NOTCH4: variants seen among roughly 807,000 people sequenced by gnomAD.
The protein encoded by NOTCH4 is neurogenic locus notch homolog protein 4.
In NOTCH4, 138 loss-of-function variants were observed where a neutral mutation model predicts 189.0. That is an observed-to-expected ratio of 0.73 (90% CI 0.64 to 0.84). The LOEUF is 0.84. NOTCH4 is among the 40% of genes least tolerant of loss of function. The probability of loss-of-function intolerance (pLI) is 0.00; values close to 1 mark genes in which losing one functional copy is unlikely to be tolerated. For synonymous variants in NOTCH4, 942 were observed against 1,032.8 expected, an observed-to-expected ratio of 0.91 and a Z score of 1.69; for missense variants, 2,286 against 2,605.4, an observed-to-expected ratio of 0.88 and a Z score of 2.67.
chr6:32,199,071 C>G lies in NOTCH4; in HGVS notation c.4390G>C (p.Ala1464Pro), dbSNP rs747662995. The G allele has an allele frequency of 2.4e-5, 38 of 1,612,632 alleles. No homozygotes were observed. The highest frequency in any genetic ancestry group is 1.2e-4 in the South Asian group (11 of 91,080). Residue 1464 changes from alanine (A) to proline (P), a missense_variant, in exon 24 of 30, where the codon GCT becomes CCT. By Grantham distance (27) the Ala-to-Pro change is conservative (BLOSUM62 -1). Transcript: ENST00000375023. The surrounding 1 kb of genome is among the most constrained non-coding windows in gnomAD (Gnocchi z 4.9). ...CGGATGAGCTGGAGGACGAGAAGAG[C>G]CCCTAGGGCCAGGAGAATCACCCCG... Reference protein sequence around the residue: ...VAGVILLALGALLVLQLIRRR... With the variant: ...VAGVILLALGPLLVLQLIRRR...
chr6:32,205,960 C>T (rs977821696), intron 18 of NOTCH4, among the ~76,000 whole-genome samples: 2 of 151,910 alleles, frequency 1.3e-5, no homozygotes, highest in African/African-American at 4.8e-5. Flanking sequence ...TTGCTTGAGC[C>T]CGGGAGGTAG....
At position 32,222,646 on chromosome 6, in the gene NOTCH4, G is replaced by T. The variant is rs140979766; in HGVS notation, c.316C>A (p.Leu106Ile). 2.4e-5 allele frequency: 39 copies of T among 1,607,366 alleles called. No individual in the cohort carries two copies. In the East Asian group the frequency reaches 6.7e-4, roughly 28 times the overall value. The change falls in exon 3 of 30, where the codon CTC becomes ATC. Residue 106 changes from leucine (L) to isoleucine (I), a missense_variant. Around this residue, in one of 2 missense-constraint regions of NOTCH4, gnomAD observed 1,903 missense variants for 2,261.9 expected, o/e 0.84. Coordinates refer to ENST00000375023, the MANE Select transcript of NOTCH4 (RefSeq NM_004557.4). ...CATCTCTCACCAGTGAAGCCAGGGA[G>T]GCAAGTGCACAAGAAGCTGGGTGTC... is the stretch of plus-strand genomic sequence containing the variant. ...PLTPSFLCTC[L>I]PGFTGERCQA...
Position 32,219,699 on chromosome 6 carries a change from G to C in NOTCH4, c.1403C>G (p.Thr468Arg), listed in dbSNP as rs746563201. ...GTGATCAGCCTCACAACGGGAGCCT[G>C]TGTAGCCAGGTGGACAGAGGCAGTT... ...SFNCLCPPGY[T>R]GSRCEADHNE... The change falls in exon 8 of 30, where the codon ACA (threonine) becomes AGA (arginine). Residue 468 changes from threonine (T) to arginine (R), a missense_variant. This residue lies in a region of NOTCH4 where 1,903 missense variants were observed against 2,261.9 expected (regional missense o/e 0.84). Coordinates refer to ENST00000375023, the MANE Select transcript of NOTCH4 (RefSeq NM_004557.4). The C allele has an allele frequency of 1.9e-6, 3 of 1,613,152 alleles. No homozygotes were observed. The South Asian group carries it at 3.3e-5, about 18-fold the overall frequency.
In NOTCH4 at chr6:32,203,955, G is replaced by A. The variant is rs1242744015; in HGVS notation, c.3119-73C>T. ...CCTCCATCCTAGCTCATTCCTGGATGTTGGCCCAGTGCTAGATGTGCAGGT... is the reference window on the plus strand; with the variant it reads ...CCTCCATCCTAGCTCATTCCTGGATATTGGCCCAGTGCTAGATGTGCAGGT... On this transcript the variant is annotated intron_variant, in intron 19 of 29. Transcript: ENST00000375023. The A allele has an allele frequency of 1.2e-5, 18 of 1,457,668 alleles. No homozygotes were observed. The East Asian group carries it at 3.7e-4, about 30-fold the overall frequency. The allele number at this position is 1,457,668 out of a possible 1,614,324, so 90.3% of individuals were successfully genotyped here. A position where few individuals can be genotyped will look rare whatever the true frequency, so the allele number is the denominator to read the frequency against.
intron 14 of NOTCH4, 145 bp downstream of exon 14, chr6:32,213,543 G>GTA (rs1789167549): frequency 7.6e-6 from 8 of 1,045,958 alleles, no homozygotes; most frequent in Admixed American, 2.3e-5. Flanking sequence ...GCCACTGTGT[G>GTA]CCCAGCTAAT....
chr6:32,223,424 C>A (rs184783010), intron 1 of NOTCH4, among the ~76,000 whole-genome samples: 3 of 152,082 alleles, frequency 2.0e-5, no homozygotes, highest in Admixed American at 1.3e-4. Context: ...GATTTCCTCC[C>A]GGAAAGGCCG....
At chr6:32,196,673 C>T (rs1048242700) in intron 28 of NOTCH4, among the ~76,000 whole-genome samples, 1 of 152,030 alleles carries the variant, frequency 6.6e-6, no homozygotes, top group Non-Finnish European at 1.5e-5. Context: ...CACGAGATTC[C>T]CCCCCCTTTC....
At position 32,212,828 on chromosome 6, in the gene NOTCH4, C is replaced by T. The variant is rs1789111539; in HGVS notation, c.2522G>A (p.Cys841Tyr). The T allele has an allele frequency of 1.3e-6, 2 of 1,533,008 alleles. No individual in the cohort carries two copies. Among genetic ancestry groups the T allele is most frequent in the Admixed American group, 2.1e-5 (1 of 47,630 alleles). 95.0% of individuals were successfully genotyped at this position (1,533,008 alleles called of 1,614,324 possible). ...LCPTGYTGGS[C>Y]QTLMDLCAQK... is the part of the protein sequence containing the mutation. ...CCTGACTTCAATGGCCCTCACCTGGCAGCTGCCTCCGGTGTAGCCAGTGGG... is the reference window on the plus strand; with the variant it reads ...CCTGACTTCAATGGCCCTCACCTGGTAGCTGCCTCCGGTGTAGCCAGTGGG... The change falls in exon 16 of 30, where the codon TGC (cysteine) becomes TAC (tyrosine). Residue 841 changes from cysteine to tyrosine, a missense_variant. Physicochemically the swap from Cys to Tyr is radical, Grantham distance 194 (BLOSUM62 -2). This residue lies in a region of NOTCH4 where 1,903 missense variants were observed against 2,261.9 expected (regional missense o/e 0.84). Transcript: ENST00000375023. This position sits in a 1 kb window ranked among gnomAD's most constrained non-coding sequence, Gnocchi z 4.4.
intron 7 of NOTCH4, 96 bp downstream of exon 7, chr6:32,220,033 T>C (rs1243453584): frequency 5.0e-6 from 7 of 1,407,636 alleles, no homozygotes; most frequent in Non-Finnish European, 6.9e-6. Flanking sequence ...AAAAGATGTT[T>C]GGTTTTTTAA....
At chr6:32,213,663 G>T in intron 14 of NOTCH4, 25 bp downstream of exon 14, 1 of 1,610,154 alleles carries the variant, frequency 6.2e-7, no homozygotes, top group Non-Finnish European at 8.5e-7. Flanking sequence ...GTGGACCCCA[G>T]CCCCATGACA....
rs768003158 is a variant in NOTCH4 at position 32,213,258 on chromosome 6, G to A, written c.2321-6C>T. 6.2e-7 allele frequency: 1 copy of A among 1,604,174 alleles called. No homozygotes were observed. The highest frequency in any genetic ancestry group is 8.5e-7 in the Non-Finnish European group (1 of 1,171,316). ...ACCCCCATTGAAGCACGGGGCTGGA[G>A]AGAGGAGGCTGTGAGGGTTTGGGTT... On this transcript the variant is annotated splice_region_variant and splice_polypyrimidine_tract_variant and intron_variant, in intron 14 of 29. Coordinates refer to ENST00000375023, the MANE Select transcript of NOTCH4 (RefSeq NM_004557.4).
At chr6:32,204,067 C>G in intron 19 of NOTCH4, 70 bp downstream of exon 19, 1 of 1,580,440 alleles carries the variant, frequency 6.3e-7, no homozygotes, top group South Asian at 1.1e-5. Context: ...TGGGTGGAGA[C>G]TATCTGGCTC....
chr6:32,199,679 G>C lies in NOTCH4; in HGVS notation c.4316-534C>G, dbSNP rs1478922982. ...AGATCGCGCCACTGCACTCCGGCCT[G>C]GGCGACAAGGCAAGACTCTGTCTCA... is the stretch of plus-strand genomic sequence containing the variant. On this transcript the variant is annotated intron_variant, in intron 23 of 29. Transcript: ENST00000375023. The surrounding 1 kb of genome is among the most constrained non-coding windows in gnomAD (Gnocchi z 4.9). 6.7e-6 allele frequency among the ~76,000 whole-genome samples: 1 copy of C among 150,298 alleles called. No individual in the cohort carries two copies. The highest frequency in any genetic ancestry group is 2.5e-5 in the African/African-American group (1 of 40,582).
chr6:32,215,400 T>C lies in NOTCH4; in HGVS notation c.1862-15A>G. 1.3e-6 allele frequency: 2 copies of C among 1,590,610 alleles called. No homozygotes were observed. The highest frequency in any genetic ancestry group is 1.7e-4 in the Middle Eastern group (1 of 5,946). ...ACAGAGCTGGCCTGGGGTGGGAAGA[T>C]GGGTCAAAAAGAAAACAGCTCCTCC... On this transcript the variant is annotated splice_polypyrimidine_tract_variant and intron_variant, in intron 11 of 29. Transcript: ENST00000375023.
rs773324131 is a variant in NOTCH4 at position 32,198,762 on chromosome 6, G to A, written c.4536-32C>T. On this transcript the variant is annotated intron_variant, in intron 24 of 29. Coordinates refer to ENST00000375023, the MANE Select transcript of NOTCH4 (RefSeq NM_004557.4). This position sits in a 1 kb window ranked among gnomAD's most constrained non-coding sequence, Gnocchi z 5.5. ...AGGAATGGGTGGGTAGAGGTTACACGGAATTATGACCATCAGGGTCTCCAA... is the reference window on the plus strand; with the variant it reads ...AGGAATGGGTGGGTAGAGGTTACACAGAATTATGACCATCAGGGTCTCCAA... 100 of 1,583,120 alleles carry A rather than the reference G, an allele frequency of 6.3e-5. No individual in the cohort carries two copies. The highest frequency in any genetic ancestry group is 8.1e-5 in the Non-Finnish European group (94 of 1,166,318).
Position 32,200,891 on chromosome 6 carries a change from C to T in NOTCH4, c.4255G>A (p.Gly1419Arg). The change falls in exon 23 of 30, where the codon GGA (glycine) becomes AGA (arginine). Residue 1419 changes from glycine (G) to arginine (R), a missense_variant. This residue lies in a region of NOTCH4 where 1,903 missense variants were observed against 2,261.9 expected (regional missense o/e 0.84). Transcript: ENST00000375023. The surrounding 1 kb of genome is among the most constrained non-coding windows in gnomAD (Gnocchi z 5.0). ...CCAGGCAGCAGGGGCTCCAGGGCTC[C>T]CACTGCAGCCATCGCAGCAAGGAAG... ...LRFLAAMAAVGALEPLLPGPL... is the reference protein window; with the variant it reads ...LRFLAAMAAVRALEPLLPGPL... 6.2e-7 allele frequency: 1 copy of T among 1,609,138 alleles called. No homozygotes were observed. The highest frequency in any genetic ancestry group is 8.5e-7 in the Non-Finnish European group (1 of 1,178,280).
chr6:32,214,011 C>T, intron 13 of NOTCH4, 99 bp downstream of exon 13: 1 of 1,468,418 alleles, frequency 6.8e-7, no homozygotes. Context: ...TCCAGTTCTC[C>T]TTAGTGGTGA....
rs1789487186 is a variant in NOTCH4, at chr6:32,217,446, C to T, written c.1625-180G>A. 6.6e-6 allele frequency among the ~76,000 whole-genome samples: 1 copy of T among 152,154 alleles called. No individual in the cohort carries two copies. Among genetic ancestry groups the T allele is most frequent in the Non-Finnish European group, 1.5e-5 (1 of 68,032 alleles). On this transcript the variant is annotated intron_variant, in intron 9 of 29. Transcript: ENST00000375023. The surrounding 1 kb of genome is among the most constrained non-coding windows in gnomAD (Gnocchi z 4.2). ...AAGGTGAAGCTCAGCCACCTGCCAGCTGTGTGACTTTGGGCAAGCTGGTCA... is the reference window on the plus strand; with the variant it reads ...AAGGTGAAGCTCAGCCACCTGCCAGTTGTGTGACTTTGGGCAAGCTGGTCA...
Position 32,196,391 on chromosome 6 carries a change from A to G in NOTCH4, c.5231T>C (p.Val1744Ala). 1 of 1,613,082 alleles carries G rather than the reference A, an allele frequency of 6.2e-7. No homozygotes were observed. The highest frequency in any genetic ancestry group is 8.5e-7 in the Non-Finnish European group (1 of 1,180,014). ...CGAGCGGGCGGCTCGGGCGTTGTTCACGGCAGCAGCCCAGTGCAGCGCAGT... is the reference window on the plus strand; with the variant it reads ...CGAGCGGGCGGCTCGGGCGTTGTTCGCGGCAGCAGCCCAGTGCAGCGCAGT... Reference protein sequence around the residue: ...GKTALHWAAAVNNARAARSLL... With the variant: ...GKTALHWAAAANNARAARSLL... Residue 1744 changes from valine (V) to alanine (A), a missense_variant, in exon 29 of 30, where the codon GTG becomes GCG. Val to Ala is a moderately conservative substitution (Grantham distance 64, BLOSUM62 0). This residue lies in a region of NOTCH4 where 1,903 missense variants were observed against 2,261.9 expected (regional missense o/e 0.84). Transcript: ENST00000375023.
Sources: allele counts gnomAD v4.1 joint callset (sites outside exome capture counted in the v4.1 genomes callset), GRCh38; gene constraint gnomAD v4.1.1; regional missense constraint gnomAD v4.1.1; non-coding constraint Gnocchi (gnomAD v3.1); transcripts MANE v1.5; gene names NCBI Gene and HGNC (gene_info 2026-07-23, HGNC 2026-07-21).